The following CYYR1 variants were observed in gnomAD, a reference collection of about 807,000 sequenced individuals.
The protein encoded by CYYR1 is cysteine and tyrosine rich 1.
Under a neutral mutation model 15.2 loss-of-function variants are expected in CYYR1, and 14 were observed. The observed-to-expected ratio is 0.92, with a 90% confidence interval of 0.61 to 1.44. The LOEUF is 1.44. Among genes scored for constraint, CYYR1 ranks in the 40% most tolerant of loss-of-function variants. The pLI, the probability that CYYR1 is intolerant of heterozygous loss-of-function variation, is 0.00. For synonymous variants in CYYR1, 80 were observed against 77.4 expected (o/e 1.03, Z -0.18); for missense variants, 228 against 209.5 (o/e 1.09, Z -0.54).
chr21:26,489,999 C>T (rs1270917601), intron 2 of CYYR1, among the ~76,000 whole-genome samples: 1 of 152,084 alleles, frequency 6.6e-6, no homozygotes, highest in African/African-American at 2.4e-5. Context: ...TTCACGACTT[C>T]ACTCATTAAG....
At position 26,513,098 on chromosome 21, in the gene CYYR1, T is replaced by C. The variant is rs139966274; in HGVS notation, c.177-32669A>G. ...AGCCATGTCTTTTCATTTATCTGTC[T>C]GTTGATATCTATCACTGAAAGCCTA... On this transcript the variant is annotated intron_variant, in intron 2 of 3. Transcript: ENST00000652641. 2.6e-4 allele frequency among the ~76,000 whole-genome samples: 40 copies of C among 152,318 alleles called. No individual in the cohort carries two copies. The East Asian group carries it at 7.1e-3, about 27-fold the overall frequency.
chr21:26,559,274 G>A (rs1980030960), intron 2 of CYYR1, among the ~76,000 whole-genome samples: 1 of 151,844 alleles, frequency 6.6e-6, no homozygotes, highest in Non-Finnish European at 1.5e-5. Context: ...GCCTTTTTTT[G>A]TGCACACACA....
At chr21:26,486,057 G>A (rs935203722) in intron 2 of CYYR1, among the ~76,000 whole-genome samples, 2 of 151,508 alleles carry the variant, frequency 1.3e-5, no homozygotes, top group Admixed American at 6.6e-5. Flanking sequence ...ACATGTTTTC[G>A]AAAGCTTATT....
At chr21:26,508,488 G>A (rs17535794) in intron 2 of CYYR1, among the ~76,000 whole-genome samples, 13,692 of 152,148 alleles carry the variant, frequency 0.09, 651 homozygotes, top group South Asian at 0.13. Flanking sequence ...CAATCTTTGC[G>A]GTTTCTGACT....
intron 2 of CYYR1, among the ~76,000 whole-genome samples, chr21:26,546,141 G>T (rs1214763545): frequency 6.6e-6 from 1 of 152,144 alleles, no homozygotes; most frequent in Non-Finnish European, 1.5e-5. Context: ...ATTGTAATTG[G>T]CTTTTGGCTA....
chr21:26,560,908 G>A (rs143349072), intron 2 of CYYR1, among the ~76,000 whole-genome samples: 2 of 152,270 alleles, frequency 1.3e-5, no homozygotes, highest in African/African-American at 2.4e-5. Flanking sequence ...ATAGCTGTAA[G>A]ATAAATTGTG....
intron 1 of CYYR1, chr21:26,568,014 C>T (rs1164107242): frequency 6.6e-6 from 1 of 152,080 alleles, no homozygotes; most frequent in East Asian, 1.9e-4. Context: ...GGAATGAAAG[C>T]GAAAAATAAT....
chr21:26,538,072 G>A (rs1378855000), intron 2 of CYYR1, among the ~76,000 whole-genome samples: 2 of 152,184 alleles, frequency 1.3e-5, no homozygotes, highest in Non-Finnish European at 2.9e-5. Context: ...TCACCACGGA[G>A]ATGAGCCTTC....
intron 2 of CYYR1, 88 bp from the exon 3 acceptor site, chr21:26,480,517 G>T: frequency 8.4e-6 from 11 of 1,311,138 alleles, no homozygotes; most frequent in Middle Eastern, 2.0e-4. Context: ...TAGGACAAGT[G>T]TTTTCTTACA....
chr21:26,533,051 C>T (rs1242585728), intron 2 of CYYR1, among the ~76,000 whole-genome samples: 1 of 151,724 alleles, frequency 6.6e-6, no homozygotes, highest in Non-Finnish European at 1.5e-5. Context: ...TGAAATACTT[C>T]TGGTCCCATG....
intron 2 of CYYR1, among the ~76,000 whole-genome samples, chr21:26,505,657 C>A (rs2065548595): frequency 6.6e-6 from 1 of 152,118 alleles, no homozygotes; most frequent in South Asian, 2.1e-4. Context: ...CCAATATAAT[C>A]ATAAAGTTGG....
chr21:26,501,117 A>G (rs2065475773), intron 2 of CYYR1, among the ~76,000 whole-genome samples: 1 of 152,204 alleles, frequency 6.6e-6, no homozygotes, highest in African/African-American at 2.4e-5. Context: ...AGGCAGGCAG[A>G]TCATGAAGTC....
At chr21:26,552,310 C>T (rs1405269416) in intron 2 of CYYR1, among the ~76,000 whole-genome samples, 1 of 152,090 alleles carries the variant, frequency 6.6e-6, no homozygotes, top group Non-Finnish European at 1.5e-5. Context: ...ACTTTGTCAG[C>T]CACTCCAGCT....
chr21:26,572,806 C>T (rs1467792128), intron 1 of CYYR1, 62 bp downstream of exon 1: 4 of 1,594,468 alleles, frequency 2.5e-6, no homozygotes, highest in East Asian at 2.3e-5. Context: ...CACGTTAGCC[C>T]GGACCGTGAC....
chr21:26,484,906 T>C (rs2123417917), intron 2 of CYYR1, among the ~76,000 whole-genome samples: 1 of 152,250 alleles, frequency 6.6e-6, no homozygotes. Flanking sequence ...AATCATGAAG[T>C]TGGTGCCCTT....
At chr21:26,555,092 G>A (rs569295603) in intron 2 of CYYR1, among the ~76,000 whole-genome samples, 1 of 152,202 alleles carries the variant, frequency 6.6e-6, no homozygotes, top group Admixed American at 6.5e-5. Flanking sequence ...ACCCAAGCCC[G>A]ATTTTTCTGT....
chr21:26,480,397 A>C lies in CYYR1; in HGVS notation c.209T>G (p.Ile70Arg), dbSNP rs1375721132. Residue 70 changes from isoleucine to arginine, a missense_variant, in exon 3 of 4, where the codon ATA (isoleucine) becomes AGA (arginine). Coordinates refer to ENST00000652641, the MANE Select transcript of CYYR1 (RefSeq NM_001320768.2). ...GTAIAGIVFG[I>R]VFIMGVIAGI... Reference sequence around the variant, plus strand: ...AGCAATGACCCCCATGATAAATACTATTCCAAAAACAATGCCCGCAATTGC... The same window carrying C: ...AGCAATGACCCCCATGATAAATACTCTTCCAAAAACAATGCCCGCAATTGC... The C allele has an allele frequency of 1.2e-6, 2 of 1,612,974 alleles. No individual in the cohort carries two copies. The highest frequency in any genetic ancestry group is 1.7e-6 in the Non-Finnish European group (2 of 1,179,490).
At chr21:26,571,619 A>G (rs1258321754) in intron 1 of CYYR1, among the ~76,000 whole-genome samples, 1 of 152,264 alleles carries the variant, frequency 6.6e-6, no homozygotes, top group Non-Finnish European at 1.5e-5. Flanking sequence ...GAAAAGCATA[A>G]TTACTTCGAA....
At chr21:26,476,731 C>T (rs1163005468) in intron 3 of CYYR1, among the ~76,000 whole-genome samples, 1 of 151,880 alleles carries the variant, frequency 6.6e-6, no homozygotes, top group African/African-American at 2.4e-5. Flanking sequence ...CTCTTGCTTT[C>T]CTTTTGTTAG....
Sources: gnomAD v4.1 joint callset for allele counts (sites outside exome capture counted in the v4.1 genomes callset) on GRCh38, gnomAD v4.1.1 for gene constraint, MANE v1.5 for transcripts, NCBI Gene and HGNC (gene_info 2026-07-23, HGNC 2026-07-21) for gene names.